The following FAM169A variants were observed in gnomAD, a reference collection of about 807,000 sequenced individuals.
FAM169A encodes soluble lamin-associated protein of 75 kDa.
In FAM169A, 24 loss-of-function variants were observed where a neutral mutation model predicts 75.7. That is an observed-to-expected ratio of 0.32 (90% CI 0.23 to 0.45). The LOEUF is 0.45. Ranked by LOEUF, FAM169A falls within the 20% of genes least tolerant of loss-of-function variation. The probability of loss-of-function intolerance (pLI) is 1.00; values close to 1 mark genes in which losing one functional copy is unlikely to be tolerated. For missense variants in FAM169A, 673 were observed against 784.0 expected (o/e 0.86, Z 1.69); for synonymous variants, 271 against 271.0 (o/e 1.00, Z 0.00).
Position 74,801,583 on chromosome 5 carries a change from T to C in FAM169A, c.952+7A>G. 6.2e-7 allele frequency: 1 copy of C among 1,607,906 alleles called. No individual in the cohort carries two copies. Among genetic ancestry groups the C allele is most frequent in the South Asian group, 1.1e-5 (1 of 90,778 alleles). On this transcript the variant is annotated splice_region_variant and intron_variant, in intron 9 of 12. Transcript: ENST00000687041. ...ATACTTACTGATATATCAGTTGAAT[T>C]TCTTACCTTCGGAAGTGCTTGCAAA...
chr5:74,844,049 T>C (rs2112685489), intron 1 of FAM169A, among the ~76,000 whole-genome samples: 1 of 152,192 alleles, frequency 6.6e-6, no homozygotes, highest in Non-Finnish European at 1.5e-5. Context: ...TCCAAATATA[T>C]GACATGGAGT....
intron 1 of FAM169A, among the ~76,000 whole-genome samples, chr5:74,845,060 A>G (rs1749079335): frequency 6.6e-6 from 1 of 152,228 alleles, no homozygotes; most frequent in Non-Finnish European, 1.5e-5. Flanking sequence ...AAGTATCAGA[A>G]GGCAAGAAAC....
chr5:74,828,087 C>A (rs897314916), intron 5 of FAM169A, among the ~76,000 whole-genome samples: 1 of 152,128 alleles, frequency 6.6e-6, no homozygotes, highest in Non-Finnish European at 1.5e-5. Context: ...TGCTTAAGAA[C>A]CTTGTTCAAA....
intron 3 of FAM169A, 89 bp downstream of exon 3, chr5:74,839,985 C>G: frequency 1.6e-6 from 1 of 613,586 alleles, no homozygotes; most frequent in Admixed American, 3.1e-5. Flanking sequence ...AAAAAAAAAC[C>G]AAATTCCTTC....
At chr5:74,799,463 T>C in intron 10 of FAM169A, 3 of 1,611,746 alleles carry the variant, frequency 1.9e-6, no homozygotes, top group Non-Finnish European at 1.7e-6. Flanking sequence ...AATGTTTTGC[T>C]GGCAGCAGGA....
chr5:74,834,167 C>T (rs911099750), intron 5 of FAM169A, among the ~76,000 whole-genome samples: 26 of 152,236 alleles, frequency 1.7e-4, no homozygotes, highest in African/African-American at 6.0e-4. Flanking sequence ...TGAGGTTCAA[C>T]GTACAACTGT....
chr5:74,803,847 C>T (rs1213061664), intron 8 of FAM169A, among the ~76,000 whole-genome samples: 2 of 152,148 alleles, frequency 1.3e-5, no homozygotes, highest in Non-Finnish European at 2.9e-5. Flanking sequence ...TAGTCTTTCA[C>T]CTACTAATTC....
At chr5:74,786,686 C>G (rs62366414) in intron 11 of FAM169A, among the ~76,000 whole-genome samples, 35,221 of 151,978 alleles carry the variant, frequency 0.23, 4,280 homozygotes, top group Middle Eastern at 0.31. Flanking sequence ...GCTTCAAAAG[C>G]AGATACTCGC....
At chr5:74,866,708 C>CG (rs1419832583), upstream of FAM169A, 15 of 975,916 alleles carry the variant, frequency 1.5e-5, no homozygotes, top group Non-Finnish European at 1.8e-5. Flanking sequence ...GGTTAAGCCG[C>CG]GGGGGCTGCA....
At chr5:74,860,087 A>G (rs890721429) in intron 1 of FAM169A, among the ~76,000 whole-genome samples, 1 of 152,258 alleles carries the variant, frequency 6.6e-6, no homozygotes, top group Non-Finnish European at 1.5e-5. Flanking sequence ...TCTTTTACAG[A>G]TGAGGAAACT....
intron 11 of FAM169A, among the ~76,000 whole-genome samples, chr5:74,793,667 C>T (rs1423982946): frequency 6.6e-6 from 1 of 152,054 alleles, no homozygotes; most frequent in East Asian, 1.9e-4. Flanking sequence ...TGAATTTATC[C>T]ATGTAACCAA....
chr5:74,859,375 C>T (rs376056768), intron 1 of FAM169A, among the ~76,000 whole-genome samples: 110 of 145,002 alleles, frequency 7.6e-4, no homozygotes, highest in African/African-American at 2.7e-3. Flanking sequence ...CTGCAACCTC[C>T]ACCTCCTGGA....
chr5:74,828,995 T>A (rs1024792759), intron 5 of FAM169A, among the ~76,000 whole-genome samples: 1 of 152,332 alleles, frequency 6.6e-6, no homozygotes, highest in Admixed American at 6.5e-5. Context: ...CAAGAGTACA[T>A]GTATGACTTA....
At chr5:74,824,381 G>C (rs982563390) in intron 5 of FAM169A, among the ~76,000 whole-genome samples, 2 of 152,120 alleles carry the variant, frequency 1.3e-5, no homozygotes, top group South Asian at 2.1e-4. Flanking sequence ...TCTTGATATA[G>C]GCCAAAAGTC....
chr5:74,827,587 A>G (rs902464244), intron 5 of FAM169A, among the ~76,000 whole-genome samples: 9 of 152,044 alleles, frequency 5.9e-5, no homozygotes, highest in Non-Finnish European at 1.2e-4. Flanking sequence ...CAAAACACAT[A>G]TATCGGGAAA....
At position 74,780,415 on chromosome 5, in the gene FAM169A, G is replaced by T. The variant is rs1158435072; in HGVS notation, c.*1045C>A. On this transcript the variant is annotated 3_prime_UTR_variant, in exon 13 of 13. Transcript: ENST00000687041. Reference sequence around the variant, plus strand: ...CGGCAGGCAGGAAGATCTGTTGATTGGAGAATCACTCCATGAGTTACAGAA... The same window carrying T: ...CGGCAGGCAGGAAGATCTGTTGATTTGAGAATCACTCCATGAGTTACAGAA... 1 of 152,234 alleles carries T rather than the reference G, an allele frequency of 6.6e-6. No homozygotes were observed. Among genetic ancestry groups the T allele is most frequent in the Non-Finnish European group, 1.5e-5 (1 of 68,066 alleles). 9.4% of individuals were successfully genotyped at this position (152,234 alleles called of 1,614,324 possible).
chr5:74,857,571 GGAAAAAAAAAA>G (rs1490988984), intron 1 of FAM169A, among the ~76,000 whole-genome samples: 67 of 65,742 alleles, frequency 1.0e-3, no homozygotes, highest in African/African-American at 3.9e-3. Context: ...CCTTGCCGCG[GGAAAAAAAAAA>G]AAAAAAAAAA....
At chr5:74,784,646 C>T (rs1455295435) in intron 11 of FAM169A, among the ~76,000 whole-genome samples, 6 of 139,868 alleles carry the variant, frequency 4.3e-5, no homozygotes, top group African/African-American at 8.2e-5. Context: ...GGCTGGGCCA[C>T]GGTGGCTCAC....
Position 74,796,202 on chromosome 5 carries a change from A to G in FAM169A, c.1104-16T>C. On this transcript the variant is annotated splice_polypyrimidine_tract_variant and intron_variant, in intron 10 of 12. Coordinates refer to ENST00000687041, the MANE Select transcript of FAM169A (RefSeq NM_001376049.1). ...AGACTCCAATCTAAAAAACAAAAGA[A>G]AACCATTCTGACTTGTTTTATTAAG... 6.3e-7 allele frequency: 1 copy of G among 1,592,798 alleles called. No individual in the cohort carries two copies. Among genetic ancestry groups the G allele is most frequent in the South Asian group, 1.2e-5 (1 of 86,022 alleles).
Sources: allele counts gnomAD v4.1 joint callset (sites outside exome capture counted in the v4.1 genomes callset), GRCh38; gene constraint gnomAD v4.1.1; transcripts MANE v1.5; gene names NCBI Gene and HGNC (gene_info 2026-07-23, HGNC 2026-07-21).